Variants in PDE6A observed in about 807,000 individuals in gnomAD.
PDE6A encodes phosphodiesterase 6A, also known as rod cGMP-specific 3',5'-cyclic phosphodiesterase subunit alpha.
A neutral mutation model predicts 106.3 loss-of-function variants in PDE6A; 84 were observed. That is an observed-to-expected ratio of 0.79 (90% CI 0.66 to 0.95). The LOEUF (loss-of-function observed/expected upper bound fraction) is 0.95. Ranked by LOEUF, PDE6A falls within the 40% of genes least tolerant of loss-of-function variation. PDE6A has a pLI of 0.00. For missense variants in PDE6A, 1,052 were observed against 1,084.9 expected (o/e 0.97, Z 0.43); for synonymous variants, 394 against 386.6 (o/e 1.02, Z -0.23).
At chr5:149,900,397 A>ATATATATATATATATC (rs1240396619) in intron 8 of PDE6A, among the ~76,000 whole-genome samples, 1 of 135,008 alleles carries the variant, frequency 7.4e-6, no homozygotes, top group African/African-American at 2.8e-5. Flanking sequence ...ATATATATAT[A>ATATATATATATATATC]TCCGTTGGTT....
chr5:149,910,627 C>T (rs1753350091), intron 6 of PDE6A, among the ~76,000 whole-genome samples: 1 of 152,124 alleles, frequency 6.6e-6, no homozygotes, highest in Admixed American at 6.5e-5. Flanking sequence ...ATGTGAATAG[C>T]AACCAGCAAT....
intron 8 of PDE6A, among the ~76,000 whole-genome samples, chr5:149,902,445 T>C (rs1214082054): frequency 6.6e-6 from 1 of 151,478 alleles, no homozygotes; most frequent in Non-Finnish European, 1.5e-5. Context: ...CCCACCACTG[T>C]AGCAAGTGTT....
At chr5:149,903,153 A>AAG (rs1753045549) in intron 8 of PDE6A, among the ~76,000 whole-genome samples, 1 of 148,246 alleles carries the variant, frequency 6.7e-6, no homozygotes, top group African/African-American at 2.5e-5. Flanking sequence ...TCTCTAAAAA[A>AAG]AAAAAAAAAA....
At chr5:149,910,727 G>A (rs1753352965) in intron 6 of PDE6A, among the ~76,000 whole-genome samples, 1 of 152,122 alleles carries the variant, frequency 6.6e-6, no homozygotes, top group East Asian at 1.9e-4. Context: ...AACTCCTGTA[G>A]TAGGGGCCCT....
At chr5:149,920,938 G>GAAAA (rs1561768974) in intron 5 of PDE6A, among the ~76,000 whole-genome samples, 1 of 69,706 alleles carries the variant, frequency 1.4e-5, no homozygotes, top group East Asian at 3.6e-4. Context: ...GAGAGAAAGA[G>GAAAA]AGAAAAAGAA....
At chr5:149,896,097 T>A (rs890664075) in intron 12 of PDE6A, among the ~76,000 whole-genome samples, 1 of 152,156 alleles carries the variant, frequency 6.6e-6, no homozygotes, top group African/African-American at 2.4e-5. Flanking sequence ...GCATATCTAT[T>A]CCCAGCCTTC....
intron 8 of PDE6A, among the ~76,000 whole-genome samples, chr5:149,900,366 A>AATATATATATATATATAT (rs1256037154): frequency 2.4e-4 from 3 of 12,758 alleles, no homozygotes; most frequent in East Asian, 4.5e-3. Flanking sequence ...CATCTCGAAA[A>AATATATATATATATATAT]ATATATATGT....
chr5:149,907,805 A>AT (rs1227864890), intron 6 of PDE6A, among the ~76,000 whole-genome samples: 1 of 152,178 alleles, frequency 6.6e-6, no homozygotes, highest in East Asian at 1.9e-4. Flanking sequence ...CAATACTATA[A>AT]TTTTTTGTAT....
intron 4 of PDE6A, among the ~76,000 whole-genome samples, chr5:149,924,475 G>A (rs989658981): frequency 7.3e-5 from 11 of 150,450 alleles, no homozygotes; most frequent in Non-Finnish European, 5.9e-5. Context: ...TTAGTTATAA[G>A]AATATTTAGA....
At chr5:149,884,328 A>G (rs1761053618) in intron 16 of PDE6A, 151 bp downstream of exon 16, 2 of 610,752 alleles carry the variant, frequency 3.3e-6, no homozygotes, top group Non-Finnish European at 5.9e-6. Context: ...ATATATGTGT[A>G]TATATGTATA....
intron 8 of PDE6A, among the ~76,000 whole-genome samples, chr5:149,900,843 A>C (rs562205216): frequency 6.6e-6 from 1 of 152,220 alleles, no homozygotes; most frequent in East Asian, 1.9e-4. Flanking sequence ...CATGATAAAA[A>C]GACAGATTTT....
At chr5:149,881,410 C>T (rs1760917730) in intron 17 of PDE6A, among the ~76,000 whole-genome samples, 1 of 152,176 alleles carries the variant, frequency 6.6e-6, no homozygotes, top group South Asian at 2.1e-4. Context: ...GAATACTACA[C>T]AGCCATAAAA....
Position 149,866,701 on chromosome 5 carries a change from G to A in PDE6A, c.2275-448C>T, listed in dbSNP as rs566634674. Reference sequence around the variant, plus strand: ...TGAAGTATATGACTTTTGTGAGTGTGTTAATGGTATTATGGTTGTGTTTAT... The same window carrying A: ...TGAAGTATATGACTTTTGTGAGTGTATTAATGGTATTATGGTTGTGTTTAT... On this transcript the variant is annotated intron_variant, in intron 19 of 21. Transcript: ENST00000255266. The A allele has an allele frequency of 1.1e-4, 21 of 182,812 alleles. No homozygotes were observed. The South Asian group carries it at 2.5e-3, about 22-fold the overall frequency. 11.3% of individuals were successfully genotyped at this position (182,812 alleles called of 1,614,324 possible).
At chr5:149,881,600 G>A (rs2113544131) in intron 17 of PDE6A, among the ~76,000 whole-genome samples, 1 of 152,308 alleles carries the variant, frequency 6.6e-6, no homozygotes, top group South Asian at 2.1e-4. Context: ...TACACAAGGG[G>A]AGACGGAGGA....
intron 17 of PDE6A, among the ~76,000 whole-genome samples, chr5:149,874,926 A>C (rs1343077264): frequency 6.6e-6 from 1 of 152,074 alleles, no homozygotes; most frequent in Admixed American, 6.6e-5. Flanking sequence ...ATGGTCCACA[A>C]AGTAGGCACC....
intron 8 of PDE6A, among the ~76,000 whole-genome samples, chr5:149,900,248 G>A (rs1433001385): frequency 6.6e-6 from 1 of 151,508 alleles, no homozygotes; most frequent in Non-Finnish European, 1.5e-5. Flanking sequence ...TGTAATCCCA[G>A]CTACTCGGGA....
At chr5:149,923,544 ATAACATAACAT>A (rs1753788299) in intron 4 of PDE6A, among the ~76,000 whole-genome samples, 1 of 134,976 alleles carries the variant, frequency 7.4e-6, no homozygotes, top group Non-Finnish European at 1.5e-5. Context: ...ATAACATAAC[ATAACATAACAT>A]AACATAACAT....
Position 149,944,202 on chromosome 5 carries a change from C to G in PDE6A, c.472G>C (p.Glu158Gln). 1 of 1,610,852 alleles carries G rather than the reference C, an allele frequency of 6.2e-7. No homozygotes were observed. The highest frequency in any genetic ancestry group is 8.5e-7 in the Non-Finnish European group (1 of 1,177,332). The stretch of plus-strand genomic sequence containing the variant: ...CTCTCTCATGGGGAAGAGAGTACCT[C>G]CTCTGTGTTGGGGACGTTAGCAATC... ...KKIANVPNTE[E>Q]DEHFCDFVDI... The change falls in exon 1 of 22, where the codon GAG (glutamate) becomes CAG (glutamine). Residue 158 changes from glutamate to glutamine, a missense_variant and splice_region_variant. By Grantham distance (29) the Glu-to-Gln change is conservative. Coordinates refer to ENST00000255266, the MANE Select transcript of PDE6A (RefSeq NM_000440.3).
chr5:149,925,655 C>T (rs936203276), intron 4 of PDE6A, among the ~76,000 whole-genome samples: 3 of 134,284 alleles, frequency 2.2e-5, no homozygotes, highest in Admixed American at 8.3e-5. Context: ...TGCAGTGAGC[C>T]AAGATCATGC....
Sources: allele counts gnomAD v4.1 joint callset (sites outside exome capture counted in the v4.1 genomes callset), GRCh38; gene constraint gnomAD v4.1.1; transcripts MANE v1.5; gene names NCBI Gene and HGNC (gene_info 2026-07-23, HGNC 2026-07-21).